Variants in AGBL4 observed in about 807,000 individuals in gnomAD.
AGBL4 encodes cytosolic carboxypeptidase 6.
Under a neutral mutation model 66.4 loss-of-function variants are expected in AGBL4, and 58 were observed. The observed-to-expected ratio is 0.87, with a 90% CI of 0.71 to 1.09. The LOEUF (loss-of-function observed/expected upper bound fraction) is 1.09, where lower values mean the gene tolerates loss of function less well. Ranked by LOEUF, AGBL4 falls within the 50% of genes least tolerant of loss-of-function variation. The pLI is 0.00. For missense variants in AGBL4, 579 were observed against 631.0 expected, an observed-to-expected ratio of 0.92 and a Z score of 0.88; for synonymous variants, 234 against 222.9, an observed-to-expected ratio of 1.05 and a Z score of -0.44.
chr1:49,844,501 T>A (rs1646085940), intron 2 of AGBL4, among the ~76,000 whole-genome samples: 1 of 152,108 alleles, frequency 6.6e-6, no homozygotes, highest in African/African-American at 2.4e-5. Context: ...ATTTTCCTCT[T>A]CCTTATTCTG....
intron 5 of AGBL4, among the ~76,000 whole-genome samples, chr1:49,014,325 A>G (rs1184664200): frequency 6.6e-6 from 1 of 152,200 alleles, no homozygotes; most frequent in Non-Finnish European, 1.5e-5. Flanking sequence ...TACAAGTTAA[A>G]TGCTTTAGAC....
At chr1:49,138,114 G>A (rs775538975) in intron 4 of AGBL4, among the ~76,000 whole-genome samples, 3 of 152,122 alleles carry the variant, frequency 2.0e-5, no homozygotes, top group Non-Finnish European at 2.9e-5. Context: ...ATATGGGAGA[G>A]TATGGGAGGA....
intron 4 of AGBL4, among the ~76,000 whole-genome samples, chr1:49,133,211 G>A (rs1022142962): frequency 7.2e-5 from 11 of 152,114 alleles, no homozygotes; most frequent in Admixed American, 7.2e-4. Flanking sequence ...ACACAGAGAG[G>A]GGAACACCAC....
intron 4 of AGBL4, among the ~76,000 whole-genome samples, chr1:49,226,423 A>G (rs963054670): frequency 2.0e-5 from 3 of 152,194 alleles, no homozygotes; most frequent in Non-Finnish European, 2.9e-5. Flanking sequence ...TGGAGCTGCT[A>G]TGGAAAGCAT....
intron 1 of AGBL4, among the ~76,000 whole-genome samples, chr1:50,015,012 CT>C (rs1466801844): frequency 6.6e-6 from 1 of 152,152 alleles, no homozygotes; most frequent in Non-Finnish European, 1.5e-5. Context: ...GTCTTTAGCT[CT>C]GTTAATAGGT....
intron 5 of AGBL4, among the ~76,000 whole-genome samples, chr1:48,982,521 T>G (rs1659859861): frequency 1.3e-5 from 2 of 152,188 alleles, no homozygotes; most frequent in South Asian, 4.1e-4. Flanking sequence ...ACAAAGGACA[T>G]GAACTCATCA....
chr1:49,055,097 T>G (rs1644286083), intron 4 of AGBL4, among the ~76,000 whole-genome samples: 1 of 152,022 alleles, frequency 6.6e-6, no homozygotes, highest in Non-Finnish European at 1.5e-5. Flanking sequence ...TGAAATTCTA[T>G]GATTTTACCT....
intron 5 of AGBL4, among the ~76,000 whole-genome samples, chr1:49,003,595 C>T (rs1661556878): frequency 6.6e-6 from 1 of 152,074 alleles, no homozygotes; most frequent in African/African-American, 2.4e-5. Context: ...GCGTGATCTC[C>T]CTCTCTGAAC....
intron 6 of AGBL4, among the ~76,000 whole-genome samples, chr1:48,697,816 G>A (rs1475856001): frequency 6.6e-6 from 1 of 152,144 alleles, no homozygotes; most frequent in Non-Finnish European, 1.5e-5. Context: ...AAGAAGTTTG[G>A]GCAAATGTCC....
chr1:48,596,330 A>G (rs1020214541), intron 9 of AGBL4, among the ~76,000 whole-genome samples: 4 of 152,166 alleles, frequency 2.6e-5, no homozygotes, highest in African/African-American at 9.7e-5. Flanking sequence ...TGGGAGGAGC[A>G]AGAAGTGTTG....
intron 1 of AGBL4, among the ~76,000 whole-genome samples, chr1:49,967,643 CA>C: frequency 6.6e-6 from 1 of 151,692 alleles, no homozygotes; most frequent in Non-Finnish European, 1.5e-5. Context: ...AAAGTATAAT[CA>C]AAAAATTGAT....
chr1:49,549,163 G>T (rs540050565), intron 3 of AGBL4, among the ~76,000 whole-genome samples: 1 of 151,562 alleles, frequency 6.6e-6, no homozygotes, highest in Non-Finnish European at 1.5e-5. Flanking sequence ...TCTTAATGAG[G>T]TTATTTGGAT....
At chr1:48,606,551 T>C (rs1050696868) in intron 9 of AGBL4, among the ~76,000 whole-genome samples, 3 of 152,190 alleles carry the variant, frequency 2.0e-5, no homozygotes, top group African/African-American at 7.2e-5. Context: ...GAAATCACCT[T>C]CTTGCCTCTG....
chr1:48,723,762 C>T (rs1223009720), intron 6 of AGBL4, among the ~76,000 whole-genome samples: 1 of 152,244 alleles, frequency 6.6e-6, no homozygotes, highest in Non-Finnish European at 1.5e-5. Flanking sequence ...AAAGTGGTCA[C>T]ACCCATTATA....
chr1:49,212,091 A>T (rs1648716153), intron 4 of AGBL4, among the ~76,000 whole-genome samples: 1 of 152,126 alleles, frequency 6.6e-6, no homozygotes, highest in Non-Finnish European at 1.5e-5. Context: ...CTAGTGAGTG[A>T]TGTAGTCTGG....
intron 6 of AGBL4, among the ~76,000 whole-genome samples, chr1:48,738,894 G>A (rs1649480844): frequency 1.3e-5 from 2 of 152,106 alleles, no homozygotes; most frequent in Admixed American, 6.5e-5. Context: ...GATGGAAATA[G>A]GTAGAAATTA....
At chr1:49,849,478 TACACACACACACAC>T (rs772101356) in intron 2 of AGBL4, among the ~76,000 whole-genome samples, 2 of 135,830 alleles carry the variant, frequency 1.5e-5, no homozygotes, top group African/African-American at 5.6e-5. Context: ...AAAGTATACA[TACACACACACACAC>T]ACACACACAC....
At chr1:49,309,408 ATCT>A (rs1644905993) in intron 3 of AGBL4, among the ~76,000 whole-genome samples, 1 of 152,058 alleles carries the variant, frequency 6.6e-6, no homozygotes, top group Admixed American at 6.6e-5. Context: ...TGGCGCTAGA[ATCT>A]GAATTAAATA....
chr1:48,591,613 A>G (rs1325273975), intron 9 of AGBL4, among the ~76,000 whole-genome samples: 1 of 152,210 alleles, frequency 6.6e-6, no homozygotes, highest in Non-Finnish European at 1.5e-5. Context: ...AAAAAATAAT[A>G]ATTACTGTCT....
Sources: gnomAD v4.1 joint callset for allele counts (sites outside exome capture counted in the v4.1 genomes callset) on GRCh38, gnomAD v4.1.1 for gene constraint, MANE v1.5 for transcripts, NCBI Gene and HGNC (gene_info 2026-07-23, HGNC 2026-07-21) for gene names.